The following NCAPG variants were observed in gnomAD, a reference collection of about 807,000 sequenced individuals.
NCAPG encodes condensin complex subunit 3.
A neutral mutation model predicts 113.1 loss-of-function variants in NCAPG; 69 were observed. The observed-to-expected ratio is 0.61, with a 90% CI of 0.50 to 0.75. The LOEUF (loss-of-function observed/expected upper bound fraction) is 0.75. Ranked by LOEUF, NCAPG falls within the 30% of genes least tolerant of loss-of-function variation. The pLI is 0.00. For missense variants in NCAPG, 1,058 were observed against 1,177.0 expected, an observed-to-expected ratio of 0.90 and a Z score of 1.48; for synonymous variants, 370 against 415.8, an observed-to-expected ratio of 0.89 and a Z score of 1.34.
At position 17,825,054 on chromosome 4, in the gene NCAPG, C is replaced by G; in HGVS notation, c.1470C>G (p.Leu490=). The G allele has an allele frequency of 1.9e-6, 3 of 1,608,890 alleles. No homozygotes were observed. In the East Asian group the frequency reaches 6.7e-5, roughly 36 times the overall value. The change falls in exon 10 of 21, where the codon CTC becomes CTG. Residue 490 remains leucine (L), a synonymous_variant. Transcript: ENST00000251496. ...CAGCTGATGTAAGAAAGAAAGAACTCAAGGTAAGTCTCTTTTAAATGAAAG... is the reference window on the plus strand; with the variant it reads ...CAGCTGATGTAAGAAAGAAAGAACTGAAGGTAAGTCTCTTTTAAATGAAAG... ...NDPADVRKKE[L]KMAEIKVKLI... is the part of the protein sequence containing the mutation.
Position 17,843,531 on chromosome 4 carries a change from A to G in NCAPG, c.*106A>G. ...CAGAACAAACCTGATGTCTTTCTGA[A>G]GATTTTCTGCTGTGCGCTTCCACGT... On this transcript the variant is annotated 3_prime_UTR_variant, in exon 21 of 21. Coordinates refer to ENST00000251496, the MANE Select transcript of NCAPG (RefSeq NM_022346.5). 7.6e-7 allele frequency: 1 copy of G among 1,313,826 alleles called. No individual in the cohort carries two copies. The highest frequency in any genetic ancestry group is 1.4e-5 in the South Asian group (1 of 73,074). The allele number at this position is 1,313,826 out of a possible 1,614,324, so 81.4% of individuals were successfully genotyped here.
At chr4:17,833,114 G>A (rs529232018) in intron 13 of NCAPG, among the ~76,000 whole-genome samples, 31 of 152,136 alleles carry the variant, frequency 2.0e-4, no homozygotes, top group Admixed American at 5.9e-4. Context: ...GCACACACCC[G>A]TAATCCCAGC....
At position 17,842,369 on chromosome 4, in the gene NCAPG, G is replaced by A. The variant is rs755265916; in HGVS notation, c.2914G>A (p.Asp972Asn). The A allele has an allele frequency of 3.4e-5, 55 of 1,611,548 alleles. No individual in the cohort carries two copies. The highest frequency in any genetic ancestry group is 1.6e-4 in the Middle Eastern group (1 of 6,076). The change falls in exon 20 of 21, where the codon GAC becomes AAC. Residue 972 changes from aspartate (D) to asparagine (N), a missense_variant. Asp to Asn is a conservative substitution (Grantham distance 23, BLOSUM62 1). Transcript: ENST00000251496. ...CAGGAGGTGTCAGACTGCTGAAGCC[G>A]ACTCTGAAAGGTATGTCATGCATGT... ...TNRRCQTAEA[D>N]SESDHEVPEP...
chr4:17,840,500 A>G (rs1722311743), intron 18 of NCAPG, 107 bp from the exon 19 acceptor site: 2 of 681,848 alleles, frequency 2.9e-6, no homozygotes. Flanking sequence ...ACTAGCTGCT[A>G]GAAGGACTTT....
chr4:17,828,428 C>T, intron 12 of NCAPG, 40 bp downstream of exon 12: 3 of 1,163,684 alleles, frequency 2.6e-6, no homozygotes, highest in Non-Finnish European at 3.7e-6. Flanking sequence ...TAGTCCACTC[C>T]TTTCTTATTT....
rs1286542298 is a variant in NCAPG at position 17,843,593 on chromosome 4, G to GTTA, written c.*173_*175dup. 1 of 591,014 alleles carries GTTA rather than the reference G, an allele frequency of 1.7e-6. No individual in the cohort carries two copies. The highest frequency in any genetic ancestry group is 2.9e-6 in the Non-Finnish European group (1 of 349,404). The allele number at this position is 591,014 out of a possible 1,614,324, so 36.6% of individuals were successfully genotyped here. A position where few individuals can be genotyped will look rare whatever the true frequency, so the allele number is the denominator to read the frequency against. On this transcript the variant is annotated 3_prime_UTR_variant, in exon 21 of 21. Transcript: ENST00000251496. Reference sequence around the variant, plus strand: ...GTATTAAAGCAGTAGAGCAGCATCAGTTATTATAGTCCAGAAAAAGTGTGC... The same window carrying GTTA: ...GTATTAAAGCAGTAGAGCAGCATCAGTTATTATTATAGTCCAGAAAAAGTGTGC...
At chr4:17,834,254 A>G (rs1432142350) in intron 13 of NCAPG, 45 bp from the exon 14 acceptor site, 1 of 1,253,798 alleles carries the variant, frequency 8.0e-7, no homozygotes, top group South Asian at 1.6e-5. Context: ...GAAACAAAAC[A>G]GTTTACTGAA....
chr4:17,824,422 A>G (rs1186738920), intron 9 of NCAPG, among the ~76,000 whole-genome samples: 1 of 152,092 alleles, frequency 6.6e-6, no homozygotes, highest in East Asian at 1.9e-4. Flanking sequence ...CACCCCTTCT[A>G]CAACATGCTT....
At position 17,830,954 on chromosome 4, in the gene NCAPG, G is replaced by A. The variant is rs1289654881; in HGVS notation, c.1765-43G>A. 16 of 1,582,064 alleles carry A rather than the reference G, an allele frequency of 1.0e-5. No individual in the cohort carries two copies. In the African/African-American group the frequency reaches 2.0e-4, roughly 20 times the overall value. On this transcript the variant is annotated intron_variant, in intron 12 of 20. Transcript: ENST00000251496. ...AGGTAATAGACAATAGGGAAATGAA[G>A]TAGATCTATGAAATCATATGGAAAA...
In NCAPG at chr4:17,837,631, A is replaced by C. The variant is rs746347285; in HGVS notation, c.2296A>C (p.Asn766His). Residue 766 changes from asparagine to histidine, a missense_variant, in exon 16 of 21, where the codon AAT becomes CAT. By Grantham distance (68) the Asn-to-His change is moderately conservative (BLOSUM62 1). Coordinates refer to ENST00000251496, the MANE Select transcript of NCAPG (RefSeq NM_022346.5). ...TTTGAATTTGTTTCTCAATAGGACT[A>C]ATCAGGAATGCTTTGAAGAAGCTTT... ...FPVFAYASRT[N>H]QECFEEAFLP... is the part of the protein sequence containing the mutation. 1 of 1,612,986 alleles carries C rather than the reference A, an allele frequency of 6.2e-7. No individual in the cohort carries two copies. The highest frequency in any genetic ancestry group is 1.1e-5 in the South Asian group (1 of 90,908).
intron 9 of NCAPG, 31 bp from the exon 10 acceptor site, chr4:17,824,937 A>ATATAT: frequency 6.7e-7 from 1 of 1,491,632 alleles, no homozygotes; most frequent in South Asian, 1.2e-5. Flanking sequence ...TATATCAAAC[A>ATATAT]TATATTAAAG....
In NCAPG at chr4:17,837,156, T is replaced by C. The variant is rs771427466; in HGVS notation, c.2110-3T>C. On this transcript the variant is annotated splice_polypyrimidine_tract_variant and splice_region_variant and intron_variant, in intron 14 of 20. Transcript: ENST00000251496. ...TTCTTCTAATGAATGTCATCTTTGT[T>C]AGGTATCTGAACTTAGGACTGGAGC... 110 of 1,610,952 alleles carry C rather than the reference T, an allele frequency of 6.8e-5. No individual in the cohort carries two copies. Among genetic ancestry groups the C allele is most frequent in the Non-Finnish European group, 9.2e-5 (108 of 1,178,780 alleles).
At chr4:17,818,174 A>G in intron 7 of NCAPG, 86 bp downstream of exon 7, 4 of 1,397,536 alleles carry the variant, frequency 2.9e-6, no homozygotes, top group South Asian at 1.5e-5. Context: ...GTCATGTTTG[A>G]TTGTGAATAT....
At chr4:17,833,211 A>G (rs976831764) in intron 13 of NCAPG, among the ~76,000 whole-genome samples, 6 of 152,018 alleles carry the variant, frequency 3.9e-5, no homozygotes, top group Non-Finnish European at 8.8e-5. Context: ...TCTCTACTAA[A>G]AATACAAAAA....
At chr4:17,842,266 G>A (rs779886523) in intron 19 of NCAPG, 44 bp from the exon 20 acceptor site, 2 of 1,554,782 alleles carry the variant, frequency 1.3e-6, no homozygotes, top group Non-Finnish European at 1.8e-6. Flanking sequence ...AAAACAAAAA[G>A]CAACTGATAA....
intron 9 of NCAPG, among the ~76,000 whole-genome samples, chr4:17,824,427 A>G (rs1560226431): frequency 6.6e-6 from 1 of 152,092 alleles, no homozygotes; most frequent in Admixed American, 6.6e-5. Flanking sequence ...CTTCTACAAC[A>G]TGCTTAGTTG....
intron 2 of NCAPG, 79 bp downstream of exon 2, chr4:17,812,503 T>G: frequency 5.8e-6 from 6 of 1,042,680 alleles, no homozygotes; most frequent in Non-Finnish European, 8.6e-6. Context: ...GTTTGTATGT[T>G]TTTGACAATG....
chr4:17,828,716 C>T (rs1355521965), intron 12 of NCAPG, among the ~76,000 whole-genome samples: 1 of 151,918 alleles, frequency 6.6e-6, no homozygotes, highest in African/African-American at 2.4e-5. Flanking sequence ...TGGAATTGTG[C>T]TACGTAATGA....
Position 17,811,225 on chromosome 4 carries a change from G to A in NCAPG, c.111+37G>A. The stretch of plus-strand genomic sequence containing the variant: ...CGGCCCCGGCCGCCGCCTCTCGCCC[G>A]CCCCGGCCCACCCTCCCTCAGGGGC... On this transcript the variant is annotated intron_variant, in intron 1 of 20. Transcript: ENST00000251496. The surrounding 1 kb of genome is among the most constrained non-coding windows in gnomAD (Gnocchi z 5.3). 7.5e-7 allele frequency: 1 copy of A among 1,341,244 alleles called. No individual in the cohort carries two copies. The highest frequency in any genetic ancestry group is 9.9e-7 in the Non-Finnish European group (1 of 1,007,638). 83.1% of individuals were successfully genotyped at this position (1,341,244 alleles called of 1,614,324 possible).
Sources: gnomAD v4.1 joint callset for allele counts (sites outside exome capture counted in the v4.1 genomes callset) on GRCh38, gnomAD v4.1.1 for gene constraint, Gnocchi (gnomAD v3.1) non-coding constraint, MANE v1.5 for transcripts, NCBI Gene and HGNC (gene_info 2026-07-23, HGNC 2026-07-21) for gene names.